The following CSDC2 variants were observed in gnomAD, a reference collection of about 807,000 sequenced individuals.
CSDC2 encodes the protein cold shock domain containing C2.
CSDC2 carries 8 observed loss-of-function variants against 15.8 expected under a neutral mutation model. The observed-to-expected ratio is 0.51, with a 90% CI of 0.30 to 0.92. CSDC2 has a LOEUF of 0.92. Ranked by LOEUF, CSDC2 falls within the 40% of genes least tolerant of loss-of-function variation. The probability of loss-of-function intolerance (pLI) is 0.07; values close to 1 mark genes in which losing one functional copy is unlikely to be tolerated. For missense variants in CSDC2, 195 were observed against 213.3 expected, an observed-to-expected ratio of 0.91 and a Z score of 0.53; for synonymous variants, 96 against 92.3, an observed-to-expected ratio of 1.04 and a Z score of -0.23.
chr22:41,567,204 G>C (rs1224502649), intron 1 of CSDC2, among the ~76,000 whole-genome samples: 1 of 152,050 alleles, frequency 6.6e-6, no homozygotes, highest in African/African-American at 2.4e-5. Flanking sequence ...AAGTTCTTTT[G>C]GAAAAACTCC....
At position 41,574,850 on chromosome 22, in the gene CSDC2, C is replaced by T. The variant is rs780577694; in HGVS notation, c.417C>T (p.Pro139=). Residue 139 remains proline, a synonymous_variant, in exon 4 of 4, where the codon CCC becomes CCT. Transcript: ENST00000306149. The stretch of plus-strand genomic sequence containing the variant: ...AGGTGGTGCTCACTCAGCTGGCCCC[C>T]CACACTCCCCACGAGACGTGGTCTG... ...AVEVVLTQLA[P]HTPHETWSGQ... is the part of the protein sequence containing the mutation. 1.2e-6 allele frequency: 2 copies of T among 1,610,202 alleles called. No homozygotes were observed. The highest frequency in any genetic ancestry group is 1.7e-6 in the Non-Finnish European group (2 of 1,178,520).
At chr22:41,571,643 T>G (rs2145600460) in intron 1 of CSDC2, among the ~76,000 whole-genome samples, 200 bp from the exon 2 acceptor site, 1 of 152,076 alleles carries the variant, frequency 6.6e-6, no homozygotes, top group Non-Finnish European at 1.5e-5. Context: ...AGAATTGAAC[T>G]GCAAACTGGA....
intron 2 of CSDC2, among the ~76,000 whole-genome samples, chr22:41,572,859 G>A (rs192064752): frequency 5.3e-5 from 8 of 152,288 alleles, no homozygotes; most frequent in Non-Finnish European, 7.4e-5. Context: ...GAGTAATACG[G>A]GTCCATATGG....
chr22:41,574,930 G>A lies in CSDC2; in HGVS notation c.*35G>A. On this transcript the variant is annotated 3_prime_UTR_variant, in exon 4 of 4. Transcript: ENST00000306149. The stretch of plus-strand genomic sequence containing the variant: ...TTCACAGGCCAGCTGGCCGGGGGTT[G>A]GGGAGCCACACAGGGTGAACGGGCA... 2 of 1,554,546 alleles carry A rather than the reference G, an allele frequency of 1.3e-6. No homozygotes were observed. The highest frequency in any genetic ancestry group is 1.7e-6 in the Non-Finnish European group (2 of 1,149,910).
rs373284212 is a variant in CSDC2 at position 41,573,710 on chromosome 22, C to A, written c.232C>A (p.Arg78Ser). 1 of 1,613,776 alleles carries A rather than the reference C, an allele frequency of 6.2e-7. No homozygotes were observed. Among genetic ancestry groups the A allele is most frequent in the Non-Finnish European group, 8.5e-7 (1 of 1,179,960 alleles). ...CAAGGGCGTCTGTAAGCAGTTCTCACGCTCACAGGGCCATGGCTTCATCAC... is the reference window on the plus strand; with the variant it reads ...CAAGGGCGTCTGTAAGCAGTTCTCAAGCTCACAGGGCCATGGCTTCATCAC... ...VFKGVCKQFS[R>S]SQGHGFITPE... The change falls in exon 3 of 4, where the codon CGC (arginine) becomes AGC (serine). Residue 78 changes from arginine to serine, a missense_variant. Transcript: ENST00000306149.
rs551393115 is a variant in CSDC2 at position 41,572,161 on chromosome 22, C to T, written c.176+20C>T. On this transcript the variant is annotated intron_variant, in intron 2 of 3. Transcript: ENST00000306149. ...TTCAGCGTGAGTACCTGCCCCTTGC[C>T]CAGGCCCCTGACCCTTGTCAGGACA... 16 of 1,293,146 alleles carry T rather than the reference C, an allele frequency of 1.2e-5. No individual in the cohort carries two copies. Among genetic ancestry groups the T allele is most frequent in the Non-Finnish European group, 1.6e-5 (16 of 1,013,104 alleles). The allele number at this position is 1,293,146 out of a possible 1,614,324, so 80.1% of individuals were successfully genotyped here. A position where few individuals can be genotyped will look rare whatever the true frequency, so the allele number is the denominator to read the frequency against.
intron 1 of CSDC2, among the ~76,000 whole-genome samples, chr22:41,568,358 T>G (rs2067127627): frequency 6.6e-6 from 1 of 151,856 alleles, no homozygotes; most frequent in Non-Finnish European, 1.5e-5. Context: ...ATCTCCGCTC[T>G]CTGCAGCCTC....
chr22:41,573,675 G>GC lies in CSDC2; in HGVS notation c.201dup (p.Val68ArgfsTer7). 6.2e-7 allele frequency: 1 copy of GC among 1,613,206 alleles called. No individual in the cohort carries two copies. Among genetic ancestry groups the GC allele is most frequent in the Admixed American group, 1.7e-5 (1 of 59,996 alleles). On this transcript the variant is annotated frameshift_variant, in exon 3 of 4. Coordinates refer to ENST00000306149, the MANE Select transcript of CSDC2 (RefSeq NM_014460.4). LOFTEE classifies it high-confidence loss of function. ...TCCAGGACAGCCCGGGCCTCAGCTG[G>GC]CCCCGTGTTCAAGGGCGTCTGTAAG...
At chr22:41,570,284 G>C (rs553317649) in intron 1 of CSDC2, among the ~76,000 whole-genome samples, 1 of 152,244 alleles carries the variant, frequency 6.6e-6, no homozygotes, top group Non-Finnish European at 1.5e-5. Context: ...GGAGGGTTTT[G>C]GGAGGAGGGA....
intron 3 of CSDC2, 89 bp downstream of exon 3, chr22:41,573,866 C>T (rs949482640): frequency 6.8e-7 from 1 of 1,479,270 alleles, no homozygotes; most frequent in Non-Finnish European, 9.2e-7. Flanking sequence ...TCTCCTCTCA[C>T]TGGCTGAGGT....
At chr22:41,567,228 C>T (rs1270785384) in intron 1 of CSDC2, among the ~76,000 whole-genome samples, 1 of 152,146 alleles carries the variant, frequency 6.6e-6, no homozygotes, top group Non-Finnish European at 1.5e-5. Context: ...CTCATCTTGG[C>T]TGAACCAGGA....
chr22:41,561,816 C>T lies in CSDC2; in HGVS notation c.-124+633C>T, dbSNP rs376251855. 3.3e-5 allele frequency among the ~76,000 whole-genome samples: 5 copies of T among 152,224 alleles called. No individual in the cohort carries two copies. In the East Asian group the frequency reaches 5.8e-4, roughly 18 times the overall value. On this transcript the variant is annotated intron_variant, in intron 1 of 3. Coordinates refer to ENST00000306149, the MANE Select transcript of CSDC2 (RefSeq NM_014460.4). ...CTGCTGGTCTGCTCTGACCTCCACCCTTGCCAGGGCACAGCCCCCGGAGGG... is the reference window on the plus strand; with the variant it reads ...CTGCTGGTCTGCTCTGACCTCCACCTTTGCCAGGGCACAGCCCCCGGAGGG...
intron 1 of CSDC2, among the ~76,000 whole-genome samples, chr22:41,569,164 G>A (rs562878905): frequency 5.3e-5 from 8 of 152,358 alleles, no homozygotes; most frequent in African/African-American, 1.9e-4. Flanking sequence ...CCTCACCCAG[G>A]TGGGGCAGGT....
At chr22:41,572,838 G>A (rs1447420115) in intron 2 of CSDC2, among the ~76,000 whole-genome samples, 1 of 152,224 alleles carries the variant, frequency 6.6e-6, no homozygotes, top group Non-Finnish European at 1.5e-5. Flanking sequence ...CACCGATGAG[G>A]TGGCATAGGG....
intron 1 of CSDC2, among the ~76,000 whole-genome samples, chr22:41,565,515 C>T (rs909431442): frequency 4.0e-5 from 6 of 150,446 alleles, no homozygotes; most frequent in African/African-American, 1.5e-4. Context: ...AATCCTAGCA[C>T]TTAGGGAGAC....
intron 2 of CSDC2, 27 bp downstream of exon 2, chr22:41,572,168 C>T: frequency 7.8e-7 from 1 of 1,285,298 alleles, no homozygotes; most frequent in South Asian, 3.4e-5. Flanking sequence ...TGCCCAGGCC[C>T]CTGACCCTTG....
chr22:41,567,465 T>G (rs748880075), intron 1 of CSDC2, among the ~76,000 whole-genome samples: 2 of 152,260 alleles, frequency 1.3e-5, no homozygotes, highest in Non-Finnish European at 2.9e-5. Context: ...ATTCAGCCAA[T>G]GAAAGCCTCA....
At chr22:41,563,288 G>C (rs1488946160) in intron 1 of CSDC2, among the ~76,000 whole-genome samples, 2 of 152,092 alleles carry the variant, frequency 1.3e-5, no homozygotes, top group Non-Finnish European at 2.9e-5. Flanking sequence ...GCTGGGGGAG[G>C]GGGAGGAGCC....
rs1555895777 is a variant in CSDC2 at position 41,561,045 on chromosome 22, G to GACACACACAGACACACAC, written c.-253_-252insGACACACACACACACACA. ...GGTACCGCCCGCGCGAGCACACACA[G>GACACACACAGACACACAC]ACACACACACACACACACACACACA... On this transcript the variant is annotated 5_prime_UTR_variant, in exon 1 of 4. Transcript: ENST00000306149. The GACACACACAGACACACAC allele has an allele frequency of 7.6e-6, 1 of 132,060 alleles. No homozygotes were observed. Among genetic ancestry groups the GACACACACAGACACACAC allele is most frequent in the South Asian group, 2.5e-4 (1 of 3,980 alleles). The allele number at this position is 132,060 out of a possible 1,614,324, so 8.2% of individuals were successfully genotyped here.
Sources: allele counts gnomAD v4.1 joint callset (sites outside exome capture counted in the v4.1 genomes callset), GRCh38; gene constraint gnomAD v4.1.1; transcripts MANE v1.5; gene names NCBI Gene and HGNC (gene_info 2026-07-23, HGNC 2026-07-21).